UBAP1: variants seen among roughly 807,000 people sequenced by gnomAD.
The protein encoded by UBAP1 is ubiquitin-associated protein 1.
Under a neutral mutation model 39.0 loss-of-function variants are expected in UBAP1, and 5 were observed. The ratio of observed to expected loss-of-function variants is 0.13; its 90% CI spans 0.07 to 0.27. UBAP1 has a LOEUF of 0.27. Among genes scored for constraint, UBAP1 ranks in the 10% least tolerant of loss-of-function variants. The pLI is 1.00. For missense variants in UBAP1, 490 were observed against 608.1 expected (o/e 0.81, Z 2.04); for synonymous variants, 211 against 225.1 (o/e 0.94, Z 0.56).
intron 2 of UBAP1, among the ~76,000 whole-genome samples, chr9:34,226,127 G>GTGTGTGTGTGTGTGTGTGTGTGTGTT (rs1563911269): frequency 1.7e-4 from 23 of 137,412 alleles, no homozygotes; most frequent in East Asian, 1.6e-3. Flanking sequence ...GTGTGTGTGT[G>GTGTGTGTGTGTGTGTGTGTGTGTGTT]TGTGTGTGTG....
At position 34,179,062 on chromosome 9, in the gene UBAP1, T is replaced by G; in HGVS notation, c.-186T>G. The G allele has an allele frequency of 1.6e-6, 2 of 1,279,926 alleles. No individual in the cohort carries two copies. Among genetic ancestry groups the G allele is most frequent in the Non-Finnish European group, 2.0e-6 (2 of 1,012,054 alleles). 79.3% of individuals were successfully genotyped at this position (1,279,926 alleles called of 1,614,324 possible). The stretch of plus-strand genomic sequence containing the variant: ...GGAGGAGGGAAGTAGGACTTCAACA[T>G]GGCGGCTGCGGCACTGGCGGTGGCT... On this transcript the variant is annotated 5_prime_UTR_variant, in exon 1 of 7. The change abolishes an upstream ATG in the 5' untranslated region. Transcript: ENST00000297661.
intron 4 of UBAP1, among the ~76,000 whole-genome samples, chr9:34,247,654 C>T (rs1834247754): frequency 6.6e-6 from 1 of 152,058 alleles, no homozygotes. Context: ...GAACTCCCGA[C>T]CTCAGGTGGT....
chr9:34,219,735 TC>T (rs1244508703), intron 1 of UBAP1, among the ~76,000 whole-genome samples: 2 of 21,932 alleles, frequency 9.1e-5, no homozygotes, highest in South Asian at 2.9e-3. Context: ...CCCCTCCCCC[TC>T]CCCCTTCCCC....
rs1587854846 is a variant in UBAP1, at chr9:34,226,127, G to GTGTGTGTGTGTGTGTGTGTGTGTT, written c.34+5202_34+5203insTTGTGTGTGTGTGTGTGTGTGTGT. ...CTATTGTGTGTGTGTGTGTGTGTGT[G>GTGTGTGTGTGTGTGTGTGTGTGTT]TGTGTGTGTGTGTGTGTGTGTGTGT... On this transcript the variant is annotated intron_variant, in intron 2 of 6. Transcript: ENST00000297661. Among the ~76,000 whole-genome samples, 427 of 137,392 alleles carry GTGTGTGTGTGTGTGTGTGTGTGTT rather than the reference G, an allele frequency of 3.1e-3. 3 individuals carry two copies. The highest frequency in any genetic ancestry group is 0.011 in the East Asian group (51 of 4,450). The allele number at this position is 137,392 out of a possible 152,430, so 90.1% of individuals were successfully genotyped here. A position where few individuals can be genotyped will look rare whatever the true frequency, so the allele number is the denominator to read the frequency against.
At chr9:34,202,624 C>CCTCTGTGTGTGTGTGT (rs1491103579) in intron 1 of UBAP1, among the ~76,000 whole-genome samples, 11 of 107,364 alleles carry the variant, frequency 1.0e-4, no homozygotes, top group East Asian at 6.3e-4. Context: ...TAGACAGAAA[C>CCTCTGTGTGTGTGTGT]GTGTGTGTGT....
intron 2 of UBAP1, among the ~76,000 whole-genome samples, chr9:34,230,416 G>C (rs1476531742): frequency 6.6e-6 from 1 of 152,172 alleles, no homozygotes; most frequent in African/African-American, 2.4e-5. Flanking sequence ...TGTATCATCT[G>C]TGCTTATTAG....
At chr9:34,206,515 A>G (rs1831702050) in intron 1 of UBAP1, among the ~76,000 whole-genome samples, 1 of 152,102 alleles carries the variant, frequency 6.6e-6, no homozygotes, top group South Asian at 2.1e-4. Context: ...GTCTCAAAAA[A>G]AAGAAAAGAA....
chr9:34,190,784 A>G (rs1165724877), intron 1 of UBAP1, among the ~76,000 whole-genome samples: 1 of 135,008 alleles, frequency 7.4e-6, no homozygotes, highest in Non-Finnish European at 1.6e-5. Context: ...CTGCAGGCTC[A>G]TGCCACCATG....
intron 1 of UBAP1, chr9:34,201,322 T>C (rs1443212480): frequency 6.6e-6 from 1 of 152,134 alleles, no homozygotes; most frequent in Non-Finnish European, 1.5e-5. Flanking sequence ...GGTGGCCAGA[T>C]CACCTGAAGT....
intron 2 of UBAP1, among the ~76,000 whole-genome samples, chr9:34,228,281 G>A (rs1833207817): frequency 1.3e-5 from 2 of 151,800 alleles, no homozygotes; most frequent in African/African-American, 4.8e-5. Context: ...AGCCAGGCGT[G>A]GTGGCAGGCA....
At chr9:34,227,428 A>G (rs1247343995) in intron 2 of UBAP1, among the ~76,000 whole-genome samples, 1 of 152,204 alleles carries the variant, frequency 6.6e-6, no homozygotes, top group African/African-American at 2.4e-5. Flanking sequence ...TTTTAAAAAA[A>G]CCTCAATTTG....
At chr9:34,197,372 G>T (rs1320690744) in intron 1 of UBAP1, among the ~76,000 whole-genome samples, 3 of 151,862 alleles carry the variant, frequency 2.0e-5, no homozygotes, top group Admixed American at 6.6e-5. Flanking sequence ...AACAGCCGGG[G>T]CTCAAGCAAT....
intron 2 of UBAP1, among the ~76,000 whole-genome samples, chr9:34,231,069 GTGAGCCA>G (rs1464798133): frequency 6.6e-6 from 1 of 151,238 alleles, no homozygotes; most frequent in Non-Finnish European, 1.5e-5. Flanking sequence ...CAAGGATGCA[GTGAGCCA>G]TGATAGCACC....
intron 4 of UBAP1, among the ~76,000 whole-genome samples, chr9:34,247,623 C>T (rs1057060408): frequency 4.6e-5 from 7 of 152,036 alleles, no homozygotes; most frequent in East Asian, 3.9e-4. Flanking sequence ...GGGGTTTCTC[C>T]GTGTTGGTCA....
chr9:34,211,419 T>A (rs151245202), intron 1 of UBAP1, among the ~76,000 whole-genome samples: 51 of 152,340 alleles, frequency 3.3e-4, no homozygotes, highest in African/African-American at 9.1e-4. Context: ...ATTAGATAAT[T>A]TCCTGGATTA....
intron 2 of UBAP1, chr9:34,224,409 G>T: frequency 4.8e-6 from 2 of 413,262 alleles, no homozygotes; most frequent in Non-Finnish European, 4.6e-6. Flanking sequence ...TCCTTGTTTT[G>T]CAAATACAAC....
intron 2 of UBAP1, among the ~76,000 whole-genome samples, chr9:34,221,665 C>T (rs1416404158): frequency 2.6e-5 from 4 of 151,976 alleles, no homozygotes; most frequent in Non-Finnish European, 5.9e-5. Context: ...TCCCTGTGCC[C>T]CATCAAAGGA....
rs1368692179 is a variant in UBAP1, at chr9:34,251,386, C to T, written c.1369-6C>T. 2 of 1,613,946 alleles carry T rather than the reference C, an allele frequency of 1.2e-6. No homozygotes were observed. Among genetic ancestry groups the T allele is most frequent in the East Asian group, 2.2e-5 (1 of 44,896 alleles). ...TCTTTAATCTGTGTTCTCTTCTCTC[C>T]CTTAGATGATGGAGTTTCTTCAGTT... On this transcript the variant is annotated splice_region_variant and splice_polypyrimidine_tract_variant and intron_variant, in intron 6 of 6. Coordinates refer to ENST00000297661, the MANE Select transcript of UBAP1 (RefSeq NM_016525.5).
At chr9:34,195,659 G>A (rs181509184) in intron 1 of UBAP1, among the ~76,000 whole-genome samples, 71 of 151,048 alleles carry the variant, frequency 4.7e-4, no homozygotes, top group African/African-American at 1.3e-3. Flanking sequence ...GTGCAATGGC[G>A]CGATCTCGGC....
Sources: gnomAD v4.1 joint callset for allele counts (sites outside exome capture counted in the v4.1 genomes callset) on GRCh38, gnomAD v4.1.1 for gene constraint, MANE v1.5 for transcripts, NCBI Gene and HGNC (gene_info 2026-07-23, HGNC 2026-07-21) for gene names.